Variants in DNAJC10 observed in about 807,000 individuals in gnomAD.
DNAJC10 encodes DnaJ heat shock protein family (Hsp40) member C10, also known as endoplasmic reticulum disulfide reductase DNAJC10.
In DNAJC10, 101 loss-of-function variants were observed where a neutral mutation model predicts 115.0. The observed-to-expected ratio is 0.88, with a 90% CI of 0.75 to 1.04. The LOEUF is 1.04. Among genes scored for constraint, DNAJC10 ranks in the 50% least tolerant of loss-of-function variants. The pLI, the probability that DNAJC10 is intolerant of heterozygous loss-of-function variation, is 0.00. For synonymous variants in DNAJC10, 307 were observed against 301.5 expected (o/e 1.02, Z -0.19); for missense variants, 981 against 928.8 (o/e 1.06, Z -0.73).
intron 16 of DNAJC10, 106 bp downstream of exon 16, chr2:182,752,294 A>AT: frequency 1.9e-6 from 1 of 517,654 alleles, no homozygotes. Context: ...TACATCTTCT[A>AT]TTTAGAGTAG....
chr2:182,759,008 A>G, intron 20 of DNAJC10, 118 bp downstream of exon 20: 2 of 1,057,956 alleles, frequency 1.9e-6, no homozygotes, highest in Non-Finnish European at 2.8e-6. Flanking sequence ...ATTACTTAGT[A>G]AAGTATTATA....
intron 22 of DNAJC10, among the ~76,000 whole-genome samples, chr2:182,767,162 T>G (rs1441366988): frequency 6.6e-6 from 1 of 152,124 alleles, no homozygotes; most frequent in Non-Finnish European, 1.5e-5. Flanking sequence ...GTGGAGATAA[T>G]GGGCGATCTG....
intron 7 of DNAJC10, 77 bp from the exon 8 acceptor site, chr2:182,729,771 A>T: frequency 3.3e-6 from 3 of 917,722 alleles, no homozygotes; most frequent in Middle Eastern, 2.4e-4. Flanking sequence ...TGTAAAAATC[A>T]AACTCTTTGG....
chr2:182,767,616 G>T (rs1295541041), intron 22 of DNAJC10, among the ~76,000 whole-genome samples: 1 of 152,034 alleles, frequency 6.6e-6, no homozygotes, highest in Non-Finnish European at 1.5e-5. Context: ...CTTATAGCTT[G>T]CAGTGAATGC....
In DNAJC10 at chr2:182,784,510, A is replaced by G. The variant is rs982123580; in HGVS notation, c.*7378A>G. 2 of 152,174 alleles carry G rather than the reference A, an allele frequency of 1.3e-5. No individual in the cohort carries two copies. Among genetic ancestry groups the G allele is most frequent in the Non-Finnish European group, 2.9e-5 (2 of 68,038 alleles). The allele number at this position is 152,174 out of a possible 1,614,324, so 9.4% of individuals were successfully genotyped here. The stretch of plus-strand genomic sequence containing the variant: ...CCGTAGAAGCACAGTGTGTATTTCA[A>G]TTGACAAACAGCCAGAAGTATTATA... On this transcript the variant is annotated 3_prime_UTR_variant, in exon 24 of 24. Coordinates refer to ENST00000264065, the MANE Select transcript of DNAJC10 (RefSeq NM_018981.4).
intron 21 of DNAJC10, 128 bp downstream of exon 21, chr2:182,759,435 A>G (rs1003288168): frequency 2.3e-6 from 2 of 870,008 alleles, no homozygotes. Flanking sequence ...AATAGCTATT[A>G]TATTTCTATG....
intron 14 of DNAJC10, among the ~76,000 whole-genome samples, chr2:182,745,187 A>G (rs140744669): frequency 6.6e-6 from 1 of 152,308 alleles, no homozygotes; most frequent in East Asian, 1.9e-4. Flanking sequence ...AGCACCTAGA[A>G]TGGTGTCTGG....
chr2:182,764,851 A>T lies in DNAJC10; in HGVS notation c.2265+2050A>T, dbSNP rs568178109. Among the ~76,000 whole-genome samples, 24 of 152,292 alleles carry T rather than the reference A, an allele frequency of 1.6e-4. 1 individual carries two copies. The South Asian group carries it at 4.8e-3, about 30-fold the overall frequency. Reference sequence around the variant, plus strand: ...AGCTTGTTTCCCTTTTACTTGTAATATTGGTCCTAAAAGCCCATACTCTGA... The same window carrying T: ...AGCTTGTTTCCCTTTTACTTGTAATTTTGGTCCTAAAAGCCCATACTCTGA... On this transcript the variant is annotated intron_variant, in intron 22 of 23. Coordinates refer to ENST00000264065, the MANE Select transcript of DNAJC10 (RefSeq NM_018981.4).
At chr2:182,717,469 G>A (rs1317423570) in intron 2 of DNAJC10, among the ~76,000 whole-genome samples, 1 of 152,132 alleles carries the variant, frequency 6.6e-6, no homozygotes, top group Non-Finnish European at 1.5e-5. Context: ...TTTCTGGTAG[G>A]GTTATATGAG....
At chr2:182,742,690 T>C (rs1226809094) in intron 13 of DNAJC10, among the ~76,000 whole-genome samples, 1 of 152,216 alleles carries the variant, frequency 6.6e-6, no homozygotes, top group South Asian at 2.1e-4. Flanking sequence ...ATGTTAACAA[T>C]ATTCACTTTC....
intron 14 of DNAJC10, among the ~76,000 whole-genome samples, chr2:182,746,289 C>A (rs1693864119): frequency 6.6e-6 from 1 of 152,188 alleles, no homozygotes; most frequent in Non-Finnish European, 1.5e-5. Flanking sequence ...ATTTCCAGTT[C>A]TAGATCCCTG....
intron 16 of DNAJC10, 74 bp from the exon 17 acceptor site, chr2:182,754,929 G>T: frequency 1.5e-6 from 2 of 1,338,432 alleles, no homozygotes; most frequent in Non-Finnish European, 2.1e-6. Flanking sequence ...TTACTTAAAG[G>T]CAAACTTGTT....
chr2:182,740,379 C>T lies in DNAJC10; in HGVS notation c.1068C>T (p.Asn356=). The T allele has an allele frequency of 1.3e-6, 2 of 1,574,918 alleles. No individual in the cohort carries two copies. The highest frequency in any genetic ancestry group is 1.7e-6 in the Non-Finnish European group (2 of 1,165,142). The change falls in exon 12 of 24, where the codon AAC becomes AAT. Residue 356 remains asparagine (N), a synonymous_variant. Coordinates refer to ENST00000264065, the MANE Select transcript of DNAJC10 (RefSeq NM_018981.4). ...CAGATTTTGAACTACTTTCGGCAAA[C>T]ACACTAGAGGTAATGTTTTTATTAA... ...NLPDFELLSA[N]TLEDRLAHHR...
intron 4 of DNAJC10, among the ~76,000 whole-genome samples, 196 bp from the exon 5 acceptor site, chr2:182,721,829 A>G (rs1213937804): frequency 6.6e-6 from 1 of 152,098 alleles, no homozygotes; most frequent in Admixed American, 6.5e-5. Context: ...CAGAATTCTA[A>G]TATCTTTAGA....
At chr2:182,730,916 C>CAA in intron 8 of DNAJC10, 114 bp from the exon 9 acceptor site, 1 of 636,610 alleles carries the variant, frequency 1.6e-6, no homozygotes, top group Non-Finnish European at 2.7e-6. Context: ...TGGTAAAACT[C>CAA]AGAGTGGATT....
At chr2:182,728,680 A>G (rs548090700) in intron 6 of DNAJC10, 22 bp downstream of exon 6, 9 of 1,589,460 alleles carry the variant, frequency 5.7e-6, no homozygotes, top group Admixed American at 3.4e-5. Context: ...TCACATCCTC[A>G]TTACTAGTTT....
At chr2:182,732,620 C>G in intron 10 of DNAJC10, 78 bp downstream of exon 10, 2 of 1,400,628 alleles carry the variant, frequency 1.4e-6, no homozygotes, top group Non-Finnish European at 2.0e-6. Flanking sequence ...ACATTTTCTT[C>G]CCTTATTTCT....
At chr2:182,761,278 A>G (rs1694278590) in intron 21 of DNAJC10, among the ~76,000 whole-genome samples, 1 of 152,200 alleles carries the variant, frequency 6.6e-6, no homozygotes, top group African/African-American at 2.4e-5. Context: ...CAGAAACAGT[A>G]TGGTGCCATC....
At chr2:182,728,766 A>G in intron 6 of DNAJC10, 97 bp from the exon 7 acceptor site, 1 of 1,508,008 alleles carries the variant, frequency 6.6e-7, no homozygotes, top group East Asian at 2.3e-5. Flanking sequence ...ATTATCAAAT[A>G]CTTTAAATGT....
Sources: allele counts gnomAD v4.1 joint callset (sites outside exome capture counted in the v4.1 genomes callset), GRCh38; gene constraint gnomAD v4.1.1; transcripts MANE v1.5; gene names NCBI Gene and HGNC (gene_info 2026-07-23, HGNC 2026-07-21).